BIRC6: variants seen among roughly 807,000 people sequenced by gnomAD.
The protein encoded by BIRC6 is baculoviral IAP repeat containing 6.
In BIRC6, 98 loss-of-function variants were observed where a neutral mutation model predicts 503.3. The ratio of observed to expected loss-of-function variants is 0.19; its 90% confidence interval spans 0.17 to 0.23. The LOEUF is 0.23. Ranked by LOEUF, BIRC6 falls within the 10% of genes least tolerant of loss-of-function variation. BIRC6 has a pLI of 1.00. For missense variants in BIRC6, 5,360 were observed against 5,806.0 expected (o/e 0.92, Z 2.50); for synonymous variants, 2,240 against 2,078.7 (o/e 1.08, Z -2.11).
chr2:32,404,352 C>T (rs150181842), intron 8 of BIRC6, among the ~76,000 whole-genome samples: 2 of 151,710 alleles, frequency 1.3e-5, no homozygotes, highest in African/African-American at 4.8e-5. Flanking sequence ...GAGTCTTGCT[C>T]TGTCGCCCAT....
chr2:32,531,127 C>G (rs1387527880), intron 60 of BIRC6, among the ~76,000 whole-genome samples: 1 of 152,138 alleles, frequency 6.6e-6, no homozygotes, highest in African/African-American at 2.4e-5. Flanking sequence ...GCCAATACTA[C>G]TAGTCCATGA....
chr2:32,548,203 C>T lies in BIRC6; in HGVS notation c.12975+189C>T, dbSNP rs147434275. 2.9e-3 allele frequency among the ~76,000 whole-genome samples: 438 copies of T among 152,112 alleles called. 2 individuals carry two copies. The highest frequency in any genetic ancestry group is 4.4e-3 in the Non-Finnish European group (296 of 67,990). ...GCTTACTTGTGACTCTGTATTTCTT[C>T]CCTCTCAACTAGCTTCTTCACTGAG... On this transcript the variant is annotated intron_variant, in intron 64 of 73. Coordinates refer to ENST00000421745, the MANE Select transcript of BIRC6 (RefSeq NM_016252.4).
chr2:32,433,575 T>G, intron 12 of BIRC6, 69 bp from the exon 13 acceptor site: 1 of 1,340,338 alleles, frequency 7.5e-7, no homozygotes, highest in Non-Finnish European at 1.0e-6. Flanking sequence ...AAGGTGACCT[T>G]AATGATAATA....
chr2:32,537,537 A>G (rs2057332415), intron 61 of BIRC6, among the ~76,000 whole-genome samples: 1 of 152,214 alleles, frequency 6.6e-6, no homozygotes. Context: ...TTTTATACTC[A>G]TTGGAGAAAA....
At chr2:32,371,245 A>G (rs956416041) in intron 1 of BIRC6, among the ~76,000 whole-genome samples, 1 of 150,644 alleles carries the variant, frequency 6.6e-6, no homozygotes, top group Non-Finnish European at 1.5e-5. Context: ...AAAAAAGGAA[A>G]TTTTCAGTTT....
chr2:32,519,129 TTAGGCAC>T, intron 57 of BIRC6, 183 bp downstream of exon 57: 1 of 571,562 alleles, frequency 1.7e-6, no homozygotes, highest in South Asian at 2.7e-5. Flanking sequence ...TAAAATACTT[TTAGGCAC>T]CCCTAATTTT....
chr2:32,533,503 G>A (rs974966899), intron 61 of BIRC6, among the ~76,000 whole-genome samples: 2 of 152,192 alleles, frequency 1.3e-5, no homozygotes, highest in Non-Finnish European at 2.9e-5. Flanking sequence ...GATCACAGAA[G>A]GTGCTAAAAT....
intron 49 of BIRC6, among the ~76,000 whole-genome samples, chr2:32,504,029 GGTGTTTGTGT>G (rs2053509353): frequency 2.6e-5 from 2 of 77,584 alleles, no homozygotes; most frequent in Admixed American, 1.6e-4. Context: ...GGGGTGGGGG[GGTGTTTGTGT>G]GTGTGTGTGT....
At chr2:32,602,742 A>G (rs1021352275) in intron 70 of BIRC6, 11 of 375,294 alleles carry the variant, frequency 2.9e-5, no homozygotes, top group Non-Finnish European at 4.7e-5. Flanking sequence ...TAAATAATTT[A>G]GTTTTCATTA....
intron 9 of BIRC6, 84 bp from the exon 10 acceptor site, chr2:32,414,685 A>T: frequency 1.0e-6 from 1 of 993,732 alleles, no homozygotes; most frequent in South Asian, 2.9e-5. Context: ...ATAAATAAAT[A>T]AATAAATAAT....
rs776524563 is a variant in BIRC6, at chr2:32,510,647, T to TTA, written c.10346+14_10346+15insAT. The TTA allele has an allele frequency of 2.3e-5, 35 of 1,518,518 alleles. No individual in the cohort carries two copies. The highest frequency in any genetic ancestry group is 3.2e-5 in the Non-Finnish European group (35 of 1,095,654). The allele number at this position is 1,518,518 out of a possible 1,614,324, so 94.1% of individuals were successfully genotyped here. ...GTACAAAAGACAGGTACGATTTTAT[T>TTA]TTTCATTTAATTAAGCACACACATG... On this transcript the variant is annotated intron_variant, in intron 53 of 73. Coordinates refer to ENST00000421745, the MANE Select transcript of BIRC6 (RefSeq NM_016252.4).
At chr2:32,360,374 A>G (rs1011664001) in intron 1 of BIRC6, among the ~76,000 whole-genome samples, 1 of 152,252 alleles carries the variant, frequency 6.6e-6, no homozygotes, top group Admixed American at 6.5e-5. Context: ...AACTGGATTA[A>G]GAGCTATCAG....
intron 3 of BIRC6, among the ~76,000 whole-genome samples, chr2:32,385,118 C>G (rs2038246899): frequency 6.6e-6 from 1 of 152,166 alleles, no homozygotes; most frequent in Non-Finnish European, 1.5e-5. Flanking sequence ...GAAGATTTAC[C>G]TTCACCACTC....
chr2:32,550,663 T>C (rs1020212398), intron 65 of BIRC6, among the ~76,000 whole-genome samples: 7 of 152,182 alleles, frequency 4.6e-5, no homozygotes, highest in Admixed American at 2.0e-4. Flanking sequence ...TGTGAAGATA[T>C]GACCTACCAA....
At chr2:32,616,551 C>A (rs1235922120) in intron 73 of BIRC6, among the ~76,000 whole-genome samples, 2 of 118,956 alleles carry the variant, frequency 1.7e-5, no homozygotes, top group Admixed American at 9.5e-5. Flanking sequence ...CACAGTGAGA[C>A]CTTGTTCTCA....
intron 40 of BIRC6, 79 bp from the exon 41 acceptor site, chr2:32,487,568 C>A: frequency 1.6e-6 from 2 of 1,246,800 alleles, no homozygotes; most frequent in Non-Finnish European, 2.3e-6. Context: ...ACAATTTAAC[C>A]TATTTATACA....
rs573899783 is a variant in BIRC6 at position 32,442,497 on chromosome 2, C to G, written c.4238+42C>G. On this transcript the variant is annotated intron_variant, in intron 19 of 73. Transcript: ENST00000421745. ...GTTGAAAGCATACTTTCTAGGTACA[C>G]CTGCAATTTAGTGGGTGATACCTTG... 1.2e-5 allele frequency: 18 copies of G among 1,533,738 alleles called. No individual in the cohort carries two copies. In the South Asian group the frequency reaches 1.9e-4, roughly 16 times the overall value.
intron 8 of BIRC6, among the ~76,000 whole-genome samples, chr2:32,405,954 A>G (rs115287185): frequency 3.1e-3 from 466 of 152,186 alleles, no homozygotes; most frequent in African/African-American, 0.011. Flanking sequence ...AGGTTTCCAT[A>G]CCCTATTTCA....
intron 23 of BIRC6, among the ~76,000 whole-genome samples, chr2:32,461,002 C>CTTCTG (rs2047842376): frequency 4.6e-5 from 1 of 21,752 alleles, no homozygotes; most frequent in African/African-American, 1.7e-4. Flanking sequence ...GCTCTGCTCT[C>CTTCTG]TTCTCTTCTC....
Sources: allele counts gnomAD v4.1 joint callset (sites outside exome capture counted in the v4.1 genomes callset), GRCh38; gene constraint gnomAD v4.1.1; transcripts MANE v1.5; gene names NCBI Gene and HGNC (gene_info 2026-07-23, HGNC 2026-07-21).